PRH1: variants seen among roughly 807,000 people sequenced by gnomAD.
PRH1 encodes the protein salivary acidic proline-rich phosphoprotein 1/2.
PRH1 carries 7 observed loss-of-function variants against 7.9 expected under a neutral mutation model. The observed-to-expected ratio is 0.89, with a 90% CI of 0.50 to 1.67. The LOEUF is 1.67. Among genes scored for constraint, PRH1 ranks in the 40% most tolerant of loss-of-function variants. The pLI is 0.00. For synonymous variants in PRH1, 45 were observed against 80.8 expected (o/e 0.56, Z 2.38); for missense variants, 109 against 223.6 (o/e 0.49, Z 3.27).
intron 1 of PRH1, among the ~76,000 whole-genome samples, chr12:11,163,691 T>A (rs1000094361): frequency 6.6e-6 from 1 of 152,176 alleles, no homozygotes; most frequent in Admixed American, 6.5e-5. Context: ...ATTCTGGTAG[T>A]TTAAGCACAA....
intron 1 of PRH1, among the ~76,000 whole-genome samples, chr12:11,045,833 C>T (rs965500676): frequency 1.3e-5 from 2 of 152,024 alleles, no homozygotes; most frequent in Non-Finnish European, 2.9e-5. Context: ...TGAAAATCTT[C>T]AGATAATTTC....
chr12:11,154,867 A>G (rs1315453445), intron 1 of PRH1, among the ~76,000 whole-genome samples: 1 of 152,142 alleles, frequency 6.6e-6, no homozygotes, highest in Non-Finnish European at 1.5e-5. Context: ...TCAGAGACAC[A>G]GACAGAAGGG....
intron 1 of PRH1, among the ~76,000 whole-genome samples, chr12:11,147,911 A>G (rs569363149): frequency 6.6e-6 from 1 of 150,954 alleles, no homozygotes; most frequent in Admixed American, 6.6e-5. Flanking sequence ...GATTCTTCCT[A>G]CCCATGAGCA....
intron 2 of PRH1, among the ~76,000 whole-genome samples, chr12:10,920,728 AT>A (rs997751741): frequency 1.3e-4 from 20 of 152,222 alleles, no homozygotes; most frequent in Admixed American, 1.1e-3. Context: ...CCAAATTTCT[AT>A]GTAACAATAT....
chr12:11,089,497 C>T (rs1965231), intron 1 of PRH1, among the ~76,000 whole-genome samples: 3,806 of 22,396 alleles, frequency 0.17, 1,001 homozygotes, highest in African/African-American at 0.22. Context: ...GAAGTGGCTG[C>T]CAGCAGAGCC....
At chr12:11,090,156 T>C (rs1388874593) in intron 1 of PRH1, among the ~76,000 whole-genome samples, 1 of 115,600 alleles carries the variant, frequency 8.7e-6, no homozygotes, top group African/African-American at 2.9e-5. Context: ...TTAAAGAATA[T>C]GTCAACACCC....
chr12:11,165,142 A>G (rs1040155226), intron 1 of PRH1, among the ~76,000 whole-genome samples: 6 of 152,148 alleles, frequency 3.9e-5, no homozygotes, highest in African/African-American at 1.4e-4. Context: ...TCTCTTAAGA[A>G]TTGCTGGGTT....
intron 1 of PRH1, among the ~76,000 whole-genome samples, chr12:11,026,399 T>A (rs1163584608): frequency 3.5e-5 from 4 of 115,908 alleles, no homozygotes; most frequent in African/African-American, 9.5e-5. Flanking sequence ...GTGGAGCTAA[T>A]CAGTTTGTAG....
chr12:11,169,091 C>T (rs1231368244), intron 1 of PRH1, among the ~76,000 whole-genome samples: 1 of 152,188 alleles, frequency 6.6e-6, no homozygotes, highest in Non-Finnish European at 1.5e-5. Context: ...AGCTGGCTAA[C>T]CTGATGAAAA....
At position 11,077,405 on chromosome 12, in the gene PRH1, T is replaced by C; in HGVS notation, n.124-30217A>G. ...TGTTTTAGTTTCCTGCTTCCCATAA[T>C]CAGGAAGAATGAGTGGAATGAAGGA... On this transcript the variant is annotated intron_variant and non_coding_transcript_variant, in intron 1 of 4. Coordinates refer to the PRH1 transcript ENST00000541977. 1.3e-5 allele frequency: 7 copies of C among 549,864 alleles called. 2 individuals carry two copies. Among genetic ancestry groups the C allele is most frequent in the Non-Finnish European group, 2.1e-5 (7 of 330,536 alleles). 34.1% of individuals were successfully genotyped at this position (549,864 alleles called of 1,614,324 possible). A position where few individuals can be genotyped will look rare whatever the true frequency, so the allele number is the denominator to read the frequency against.
chr12:11,021,090 CTCTACAT>C (rs1345851385), intron 1 of PRH1, among the ~76,000 whole-genome samples: 1 of 84,548 alleles, frequency 1.2e-5, no homozygotes, highest in East Asian at 1.7e-3. Context: ...ACAAAATTTA[CTCTACAT>C]ATGTTTTTCA....
intron 1 of PRH1, among the ~76,000 whole-genome samples, chr12:11,101,645 C>T (rs947527163): frequency 4.6e-5 from 7 of 152,116 alleles, no homozygotes; most frequent in African/African-American, 1.2e-4. Context: ...TAGGTTTCTG[C>T]TTTTTTAACA....
intron 1 of PRH1, among the ~76,000 whole-genome samples, chr12:11,151,107 A>AT (rs374232224): frequency 7.2e-5 from 11 of 152,182 alleles, no homozygotes; most frequent in African/African-American, 2.6e-4. Flanking sequence ...GCCTGACTGC[A>AT]TTTCCCCTCA....
At chr12:11,091,605 T>C in intron 1 of PRH1, 2 of 1,315,848 alleles carry the variant, frequency 1.5e-6, no homozygotes, top group South Asian at 1.2e-5. Flanking sequence ...TGGAGCTGCA[T>C]CTTCTTGAGA....
At chr12:10,964,309 T>C (rs1938397473) in intron 2 of PRH1, 1 of 157,552 alleles carries the variant, frequency 6.3e-6, no homozygotes, top group Non-Finnish European at 1.4e-5. Context: ...GATATACTTT[T>C]GGAAATTACT....
At chr12:11,046,927 T>C (rs370336687) in intron 1 of PRH1, 11 of 438,798 alleles carry the variant, frequency 2.5e-5, no homozygotes, top group African/African-American at 6.0e-5. Context: ...CCGGAGATGA[T>C]ACATTTGTAT....
chr12:11,099,633 G>A (rs1945174132), intron 1 of PRH1, among the ~76,000 whole-genome samples: 2 of 152,132 alleles, frequency 1.3e-5, no homozygotes, highest in East Asian at 1.9e-4. Flanking sequence ...GGAGGTGGAG[G>A]TTGCAGTGAG....
intron 1 of PRH1, among the ~76,000 whole-genome samples, chr12:11,038,324 A>T (rs1257845149): frequency 6.6e-6 from 1 of 152,244 alleles, no homozygotes; most frequent in Non-Finnish European, 1.5e-5. Flanking sequence ...AGAAAAAAGA[A>T]TTTGCCAGCC....
At chr12:10,883,158 G>A (rs985520141) in intron 1 of PRH1, 62 bp from the exon 2 acceptor site, 15 of 1,557,108 alleles carry the variant, frequency 9.6e-6, no homozygotes, top group Middle Eastern at 1.9e-4. Context: ...GGCTCATAGT[G>A]TTCTACGAGG....
Sources: gnomAD v4.1 joint callset for allele counts (sites outside exome capture counted in the v4.1 genomes callset) on GRCh38, gnomAD v4.1.1 for gene constraint, MANE v1.5 for transcripts, NCBI Gene and HGNC (gene_info 2026-07-23, HGNC 2026-07-21) for gene names.